WDR59: variants seen among roughly 807,000 people sequenced by gnomAD.
WDR59 encodes the protein WD repeat domain 59.
A neutral mutation model predicts 131.2 loss-of-function variants in WDR59; 100 were observed. The observed-to-expected ratio is 0.76, with a 90% CI of 0.65 to 0.90. The LOEUF is 0.90. Ranked by LOEUF, WDR59 falls within the 40% of genes least tolerant of loss-of-function variation. WDR59 has a pLI of 0.00. For synonymous variants in WDR59, 601 were observed against 466.2 expected, an observed-to-expected ratio of 1.29 and a Z score of -3.72; for missense variants, 1,203 against 1,262.2, an observed-to-expected ratio of 0.95 and a Z score of 0.71.
Position 74,912,269 on chromosome 16 carries a change from T to C in WDR59, c.1318A>G (p.Asn440Asp). Residue 440 changes from asparagine (N) to aspartate (D), a missense_variant, in exon 14 of 26, where the codon AAC (asparagine) becomes GAC (aspartate). Asn to Asp is a conservative substitution (Grantham distance 23). Transcript: ENST00000262144. ...LVKFPAQYPN[N>D]AAPSFQFINP... Reference sequence around the variant, plus strand: ...ATAAACTGGAAGGAAGGGGCGGCGTTGTTTGGGTACTGTGCAGGGAACTTC... The same window carrying C: ...ATAAACTGGAAGGAAGGGGCGGCGTCGTTTGGGTACTGTGCAGGGAACTTC... The C allele has an allele frequency of 6.2e-7, 1 of 1,614,156 alleles. No homozygotes were observed. The highest frequency in any genetic ancestry group is 8.5e-7 in the Non-Finnish European group (1 of 1,180,028).
chr16:74,931,796 C>T lies in WDR59; in HGVS notation c.651+6354G>A, dbSNP rs115218637. 4.4e-3 allele frequency among the ~76,000 whole-genome samples: 674 copies of T among 152,088 alleles called. 6 individuals are homozygous for T. Among genetic ancestry groups the T allele is most frequent in the African/African-American group, 0.015 (633 of 41,484 alleles). On this transcript the variant is annotated intron_variant, in intron 8 of 25. Coordinates refer to ENST00000262144, the MANE Select transcript of WDR59 (RefSeq NM_030581.4). ...GGCTGACATGGGAAGATCGTTTGAGCCCAGGAGGCCAAGCCTGAAGTGAGC... is the reference window on the plus strand; with the variant it reads ...GGCTGACATGGGAAGATCGTTTGAGTCCAGGAGGCCAAGCCTGAAGTGAGC...
intron 8 of WDR59, among the ~76,000 whole-genome samples, chr16:74,936,645 G>A (rs1000426225): frequency 3.3e-5 from 5 of 152,000 alleles, no homozygotes; most frequent in Non-Finnish European, 5.9e-5. Flanking sequence ...GGCCAACATG[G>A]TTAAACCCTG....
chr16:74,914,871 C>T lies in WDR59; in HGVS notation c.1224+999G>A, dbSNP rs557117517. On this transcript the variant is annotated intron_variant, in intron 13 of 25. Coordinates refer to ENST00000262144, the MANE Select transcript of WDR59 (RefSeq NM_030581.4). ...CCTCCCAAAGTGCTGGAATTACAGG[C>T]GTGAGCTACCGCACCTGGCCAGCAG... is the stretch of plus-strand genomic sequence containing the variant. Among the ~76,000 whole-genome samples the T allele has an allele frequency of 9.9e-4, 150 of 152,258 alleles. 1 individual carries two copies. Among genetic ancestry groups the T allele is most frequent in the African/African-American group, 3.5e-3 (145 of 41,548 alleles).
At chr16:74,924,928 C>T (rs1344915453) in intron 8 of WDR59, among the ~76,000 whole-genome samples, 5 of 152,128 alleles carry the variant, frequency 3.3e-5, no homozygotes, top group Non-Finnish European at 7.4e-5. Context: ...GCCACTTTGG[C>T]AATTTCCTAT....
chr16:74,976,609 T>G (rs2034191782), intron 1 of WDR59, among the ~76,000 whole-genome samples: 2 of 149,418 alleles, frequency 1.3e-5, no homozygotes, highest in Non-Finnish European at 2.9e-5. Flanking sequence ...ACCTGGCTAA[T>G]TTTCTGTATT....
At chr16:74,932,466 CAA>C (rs1412405644) in intron 8 of WDR59, among the ~76,000 whole-genome samples, 9 of 137,044 alleles carry the variant, frequency 6.6e-5, no homozygotes, top group Admixed American at 2.2e-4. Context: ...CACACACACA[CAA>C]CTATCCTGGC....
intron 8 of WDR59, among the ~76,000 whole-genome samples, chr16:74,933,507 T>C (rs769773492): frequency 1.3e-5 from 2 of 152,204 alleles, no homozygotes; most frequent in African/African-American, 2.4e-5. Context: ...AATGCTACCA[T>C]TCTTAATAAT....
chr16:74,924,235 G>A (rs1336558173), intron 8 of WDR59, among the ~76,000 whole-genome samples: 3 of 152,120 alleles, frequency 2.0e-5, no homozygotes, highest in East Asian at 1.9e-4. Flanking sequence ...ACCACTAAAC[G>A]CGGCAGGTCA....
intron 2 of WDR59, among the ~76,000 whole-genome samples, chr16:74,961,962 T>C (rs1003115115): frequency 6.6e-6 from 1 of 152,214 alleles, no homozygotes; most frequent in Non-Finnish European, 1.5e-5. Context: ...GAGTTTATTT[T>C]TTTATAAGGT....
chr16:74,936,114 G>C (rs1020430777), intron 8 of WDR59, among the ~76,000 whole-genome samples: 10 of 152,156 alleles, frequency 6.6e-5, no homozygotes, highest in Admixed American at 5.9e-4. Context: ...AGAAGACTTT[G>C]TATGGGGAAA....
chr16:74,960,397 C>A (rs959681210), intron 2 of WDR59, among the ~76,000 whole-genome samples: 3 of 151,796 alleles, frequency 2.0e-5, no homozygotes, highest in Non-Finnish European at 4.4e-5. Flanking sequence ...GAAGCAAAGT[C>A]ATACAAGATA....
chr16:74,969,719 C>T (rs1338030042), intron 1 of WDR59, among the ~76,000 whole-genome samples: 1 of 151,868 alleles, frequency 6.6e-6, no homozygotes, highest in Admixed American at 6.6e-5. Flanking sequence ...CAGGCATGTG[C>T]CACCACGCCC....
intron 13 of WDR59, chr16:74,915,637 A>T: frequency 2.4e-6 from 1 of 421,550 alleles, no homozygotes. Context: ...GCTGGTCTCA[A>T]ACTCCTGGCT....
At chr16:74,953,977 G>A (rs1328728871) in intron 3 of WDR59, among the ~76,000 whole-genome samples, 5 of 150,880 alleles carry the variant, frequency 3.3e-5, no homozygotes, top group Non-Finnish European at 7.4e-5. Flanking sequence ...ACTCCAGCCT[G>A]GGTGACAGAG....
chr16:74,945,632 G>A (rs935976031), intron 6 of WDR59, among the ~76,000 whole-genome samples: 13 of 151,956 alleles, frequency 8.6e-5, no homozygotes, highest in South Asian at 6.2e-4. Context: ...AGGTGGTGGC[G>A]GGGGGCAGAG....
intron 20 of WDR59, among the ~76,000 whole-genome samples, chr16:74,891,347 G>A (rs1965035070): frequency 6.6e-6 from 1 of 152,006 alleles, no homozygotes; most frequent in Non-Finnish European, 1.5e-5. Context: ...TAAATCACGT[G>A]GCACCAACAT....
intron 8 of WDR59, among the ~76,000 whole-genome samples, chr16:74,936,736 G>C (rs1346277830): frequency 6.6e-6 from 1 of 152,092 alleles, no homozygotes; most frequent in East Asian, 1.9e-4. Flanking sequence ...TGAGGCAGGA[G>C]AATCGCTTGA....
At chr16:74,952,760 T>A (rs1164026037) in intron 3 of WDR59, among the ~76,000 whole-genome samples, 1 of 150,064 alleles carries the variant, frequency 6.7e-6, no homozygotes, top group Non-Finnish European at 1.5e-5. Flanking sequence ...CTTAATAATT[T>A]TTTAAATTAT....
In WDR59 at chr16:74,887,763, A is replaced by T. The variant is rs9940014; in HGVS notation, c.2347-8T>A. The T allele has an allele frequency of 0.23, 366,750 of 1,612,050 alleles. 43,952 individuals carry two copies. Among genetic ancestry groups the T allele is most frequent in the Middle Eastern group, 0.27 (1,660 of 6,058 alleles). On this transcript the variant is annotated splice_region_variant and splice_polypyrimidine_tract_variant and intron_variant, in intron 22 of 25. Transcript: ENST00000262144. ...AGAAGAGGTAAAGCTAGGCTACAGA[A>T]GGGAAGAGAAGAACCAACAGGACTA...
Sources: allele counts gnomAD v4.1 joint callset (sites outside exome capture counted in the v4.1 genomes callset), GRCh38; gene constraint gnomAD v4.1.1; transcripts MANE v1.5; gene names NCBI Gene and HGNC (gene_info 2026-07-23, HGNC 2026-07-21).